Variants in ZC3H4 observed in about 807,000 individuals in gnomAD.
The protein encoded by ZC3H4 is zinc finger CCCH domain-containing protein 4.
A neutral mutation model predicts 108.3 loss-of-function variants in ZC3H4; 13 were observed. The ratio of observed to expected loss-of-function variants is 0.12; its 90% CI spans 0.08 to 0.19. The LOEUF (loss-of-function observed/expected upper bound fraction) is 0.19. Ranked by LOEUF, ZC3H4 falls within the 10% of genes least tolerant of loss-of-function variation. The probability of loss-of-function intolerance (pLI) is 1.00; values close to 1 mark genes in which losing one functional copy is unlikely to be tolerated. For synonymous variants in ZC3H4, 917 were observed against 749.6 expected (o/e 1.22, Z -3.65); for missense variants, 1,734 against 1,838.8 (o/e 0.94, Z 1.04).
intron 6 of ZC3H4, among the ~76,000 whole-genome samples, chr19:47,085,691 C>G (rs1183289753): frequency 6.6e-6 from 1 of 152,058 alleles, no homozygotes; most frequent in Non-Finnish European, 1.5e-5. Flanking sequence ...TGTGGACTGG[C>G]GTGGAAGGTC....
intron 2 of ZC3H4, among the ~76,000 whole-genome samples, chr19:47,108,914 T>G (rs1600117271): frequency 6.6e-6 from 1 of 152,234 alleles, no homozygotes; most frequent in East Asian, 1.9e-4. Context: ...TTTTAAAAAA[T>G]AAAGGGGTTT....
chr19:47,110,527 A>G (rs937194637), intron 2 of ZC3H4, among the ~76,000 whole-genome samples: 3 of 152,220 alleles, frequency 2.0e-5, no homozygotes, highest in Non-Finnish European at 2.9e-5. Context: ...TGATTCGAAC[A>G]TATCAATTCA....
At chr19:47,093,877 A>G (rs2057777403) in intron 4 of ZC3H4, 93 bp downstream of exon 4, 1 of 1,138,266 alleles carries the variant, frequency 8.8e-7, no homozygotes, top group East Asian at 2.4e-5. Context: ...TGAAACTCAC[A>G]AAAAATGCCC....
intron 2 of ZC3H4, among the ~76,000 whole-genome samples, chr19:47,109,682 G>A (rs959086750): frequency 1.3e-5 from 2 of 152,210 alleles, no homozygotes; most frequent in African/African-American, 4.8e-5. Context: ...TTAAGAGGAA[G>A]AAAACAAGTG....
At position 47,065,433 on chromosome 19, in the gene ZC3H4, T is replaced by G. The variant is rs565852883; in HGVS notation, c.*923A>C. ...GCAGCCACTGCACGGATCCTGGAGCTGTCCGGGGCTGGGCTGCAGTGCAGG... is the reference window on the plus strand; with the variant it reads ...GCAGCCACTGCACGGATCCTGGAGCGGTCCGGGGCTGGGCTGCAGTGCAGG... On this transcript the variant is annotated 3_prime_UTR_variant, in exon 15 of 15. Transcript: ENST00000253048. The G allele has an allele frequency of 5.9e-5, 9 of 152,912 alleles. No homozygotes were observed. The highest frequency in any genetic ancestry group is 2.2e-4 in the African/African-American group (9 of 41,576). 9.5% of individuals were successfully genotyped at this position (152,912 alleles called of 1,614,324 possible).
intron 2 of ZC3H4, among the ~76,000 whole-genome samples, chr19:47,105,248 T>C (rs947894820): frequency 2.6e-5 from 4 of 152,232 alleles, no homozygotes; most frequent in Non-Finnish European, 5.9e-5. Flanking sequence ...ACTCTGCTGC[T>C]GTAACGTAGA....
At chr19:47,084,925 C>A in intron 8 of ZC3H4, 131 bp downstream of exon 8, 1 of 1,246,812 alleles carries the variant, frequency 8.0e-7, no homozygotes, top group Non-Finnish European at 1.1e-6. Context: ...TTATGCTGGT[C>A]AACACTGGCC....
chr19:47,085,162 C>T lies in ZC3H4; in HGVS notation c.1001G>A (p.Gly334Asp). ...LSRGRGRGSR[G>D]RGKGMGRGRG... Reference sequence around the variant, plus strand: ...GCCCCGACCCATTCCTTTCCCTCGACCTCGGGAGCCCCTGCCACGGCCTCG... The same window carrying T: ...GCCCCGACCCATTCCTTTCCCTCGATCTCGGGAGCCCCTGCCACGGCCTCG... Residue 334 changes from glycine (G) to aspartate (D), a missense_variant, in exon 8 of 15, where the codon GGT becomes GAT. Gly to Asp is a moderately conservative substitution (Grantham distance 94, BLOSUM62 -1). Around this residue, in one of 9 missense-constraint regions of ZC3H4, gnomAD observed 403 missense variants for 457.0 expected, o/e 0.88. Coordinates refer to ENST00000253048, the MANE Select transcript of ZC3H4 (RefSeq NM_015168.2). 1.2e-6 allele frequency: 2 copies of T among 1,613,492 alleles called. No individual in the cohort carries two copies. The highest frequency in any genetic ancestry group is 1.7e-6 in the Non-Finnish European group (2 of 1,179,824).
intron 2 of ZC3H4, among the ~76,000 whole-genome samples, chr19:47,101,001 A>G (rs2057897004): frequency 6.6e-6 from 1 of 151,954 alleles, no homozygotes. Context: ...CGCGGCCTGT[A>G]GTTATGTTTT....
At chr19:47,097,843 G>A (rs567931077) in intron 2 of ZC3H4, among the ~76,000 whole-genome samples, 58 of 152,268 alleles carry the variant, frequency 3.8e-4, no homozygotes, top group South Asian at 2.7e-3. Context: ...CTGCCGTGGC[G>A]GCCTGTGCAG....
chr19:47,088,406 G>A (rs2057670636), intron 5 of ZC3H4, among the ~76,000 whole-genome samples: 1 of 151,888 alleles, frequency 6.6e-6, no homozygotes, highest in Non-Finnish European at 1.5e-5. Context: ...AAAAAAGCCG[G>A]GCATGGTGGT....
chr19:47,069,514 C>A (rs2122690114), intron 13 of ZC3H4, among the ~76,000 whole-genome samples, 171 bp from the exon 14 acceptor site: 1 of 152,318 alleles, frequency 6.6e-6, no homozygotes, highest in East Asian at 1.9e-4. Context: ...CATGGGTAGC[C>A]CCGCCTACAT....
At chr19:47,074,832 C>T (rs536574445) in intron 11 of ZC3H4, among the ~76,000 whole-genome samples, 4 of 152,266 alleles carry the variant, frequency 2.6e-5, no homozygotes, top group Middle Eastern at 6.8e-3. Context: ...GAAGAGGATG[C>T]GCCTGCTTCC....
chr19:47,082,239 G>A lies in ZC3H4; in HGVS notation c.1275C>T (p.Cys425=). The A allele has an allele frequency of 6.2e-7, 1 of 1,614,120 alleles. No homozygotes were observed. The highest frequency in any genetic ancestry group is 8.5e-7 in the Non-Finnish European group (1 of 1,179,950). Residue 425 remains cysteine, a synonymous_variant, in exon 10 of 15, where the codon TGC becomes TGT. Transcript: ENST00000253048. The part of the protein sequence containing the change: ...DIELPKKREL[C]KFYITGFCAR... ...CGCAAAATCCAGTGATGTAAAACTT[G>A]CACAGTTCTCGCTTCTTTGGGAGTT...
At chr19:47,069,022 A>G (rs1437229379) in intron 14 of ZC3H4, 70 bp downstream of exon 14, 6 of 1,591,174 alleles carry the variant, frequency 3.8e-6, no homozygotes, top group Non-Finnish European at 5.1e-6. Context: ...AACCTGGAAC[A>G]CCCCACCACC....
At chr19:47,081,428 G>T in intron 11 of ZC3H4, 85 bp downstream of exon 11, 1 of 1,080,894 alleles carries the variant, frequency 9.3e-7, no homozygotes, top group East Asian at 2.4e-5. Flanking sequence ...TGCAGAGGCT[G>T]GACAGGCAGG....
In ZC3H4 at chr19:47,079,601, C is replaced by T. The variant is rs980968233; in HGVS notation, c.1440+1912G>A. Among the ~76,000 whole-genome samples, 11 of 152,088 alleles carry T rather than the reference C, an allele frequency of 7.2e-5. 1 individual carries two copies. The highest frequency in any genetic ancestry group is 7.2e-4 in the Admixed American group (11 of 15,266). On this transcript the variant is annotated intron_variant, in intron 11 of 14. Coordinates refer to ENST00000253048, the MANE Select transcript of ZC3H4 (RefSeq NM_015168.2). ...TCAGACCCTAGGTATGTACTGATTA[C>T]ATAACCCTGGGGCATGCCAGGCGCT...
intron 2 of ZC3H4, among the ~76,000 whole-genome samples, chr19:47,102,314 C>T (rs1237567562): frequency 6.6e-6 from 1 of 152,204 alleles, no homozygotes; most frequent in Non-Finnish European, 1.5e-5. Flanking sequence ...TTGACAACTA[C>T]AAATTATGTC....
At chr19:47,081,485 C>CG (rs1207015199) in intron 11 of ZC3H4, 28 bp downstream of exon 11, 5 of 1,599,740 alleles carry the variant, frequency 3.1e-6, no homozygotes, top group Admixed American at 1.7e-5. Context: ...TTCCTGTAGC[C>CG]GGGGGCCCCG....
Sources: gnomAD v4.1 joint callset for allele counts (sites outside exome capture counted in the v4.1 genomes callset) on GRCh38, gnomAD v4.1.1 for gene constraint, gnomAD v4.1.1 regional missense constraint, MANE v1.5 for transcripts, NCBI Gene and HGNC (gene_info 2026-07-23, HGNC 2026-07-21) for gene names.